Variants in DMXL1 observed in about 807,000 individuals in gnomAD.
DMXL1 encodes the protein Dmx like 1.
In DMXL1, 99 loss-of-function variants were observed where a neutral mutation model predicts 319.2. The ratio of observed to expected loss-of-function variants is 0.31; its 90% CI spans 0.26 to 0.37. The LOEUF is 0.37. Among genes scored for constraint, DMXL1 ranks in the 10% least tolerant of loss-of-function variants. The pLI, the probability that DMXL1 is intolerant of heterozygous loss-of-function variation, is 1.00. For synonymous variants in DMXL1, 1,385 were observed against 1,235.2 expected, an observed-to-expected ratio of 1.12 and a Z score of -2.54; for missense variants, 3,745 against 3,595.6, an observed-to-expected ratio of 1.04 and a Z score of -1.06.
At position 119,110,200 on chromosome 5, in the gene DMXL1, T is replaced by C; in HGVS notation, c.414T>C (p.Thr138=). ...GCTATTTGCAACTCTGGTCCAATACTAACTTGGAGAAGCCAACTGAAGATG... is the reference window on the plus strand; with the variant it reads ...GCTATTTGCAACTCTGGTCCAATACCAACTTGGAGAAGCCAACTGAAGATG... ...GSSYLQLWSN[T]NLEKPTEDEN... is the part of the protein sequence containing the mutation. Residue 138 remains threonine (T), a synonymous_variant, in exon 5 of 44, where the codon ACT becomes ACC. Transcript: ENST00000539542. The C allele has an allele frequency of 6.3e-7, 1 of 1,590,088 alleles. No individual in the cohort carries two copies. The highest frequency in any genetic ancestry group is 1.9e-5 in the Admixed American group (1 of 52,710).
At chr5:119,186,473 G>A (rs1363621874) in intron 28 of DMXL1, among the ~76,000 whole-genome samples, 1 of 152,042 alleles carries the variant, frequency 6.6e-6, no homozygotes, top group Non-Finnish European at 1.5e-5. Flanking sequence ...TGCCCAGGCT[G>A]GTCTTGAACT....
chr5:119,178,598 C>T, intron 28 of DMXL1: 1 of 985,240 alleles, frequency 1.0e-6, no homozygotes, highest in East Asian at 1.1e-4. Flanking sequence ...TATGCCTAGC[C>T]CCCACCAGGT....
chr5:119,202,738 C>G (rs998731625), intron 32 of DMXL1, among the ~76,000 whole-genome samples: 2 of 151,254 alleles, frequency 1.3e-5, no homozygotes, highest in Admixed American at 1.3e-4. Context: ...GTAATCCCAG[C>G]TACTCGGGAG....
At chr5:119,238,902 T>C in intron 40 of DMXL1, 87 bp from the exon 41 acceptor site, 1 of 1,545,046 alleles carries the variant, frequency 6.5e-7, no homozygotes, top group Non-Finnish European at 8.7e-7. Flanking sequence ...AGCCAGAAAC[T>C]ACATGATCAC....
intron 28 of DMXL1, among the ~76,000 whole-genome samples, chr5:119,180,228 C>T (rs112907747): frequency 2.3e-4 from 35 of 152,274 alleles, no homozygotes; most frequent in African/African-American, 8.2e-4. Flanking sequence ...GGTCTCTTAA[C>T]GTATTTGACC....
At chr5:119,098,347 T>C (rs1307371222) in intron 2 of DMXL1, among the ~76,000 whole-genome samples, 1 of 152,148 alleles carries the variant, frequency 6.6e-6, no homozygotes, top group African/African-American at 2.4e-5. Flanking sequence ...TGATATAGAA[T>C]GAGTCTAAAG....
chr5:119,198,094 T>C, intron 32 of DMXL1, 138 bp downstream of exon 32: 4 of 755,718 alleles, frequency 5.3e-6, no homozygotes, highest in Non-Finnish European at 8.6e-6. Flanking sequence ...GTTCAAGTGA[T>C]TCTCCTGCCT....
At chr5:119,166,255 G>C (rs1467656581) in intron 21 of DMXL1, among the ~76,000 whole-genome samples, 1 of 152,158 alleles carries the variant, frequency 6.6e-6, no homozygotes, top group African/African-American at 2.4e-5. Flanking sequence ...ACATTCTTTA[G>C]ATTTTTATCT....
At chr5:119,225,199 C>G (rs1051663728) in intron 38 of DMXL1, among the ~76,000 whole-genome samples, 2 of 152,002 alleles carry the variant, frequency 1.3e-5, no homozygotes, top group Non-Finnish European at 2.9e-5. Flanking sequence ...ATTACCTCAT[C>G]GTACTCAGTT....
chr5:119,111,172 A>C (rs895816145), intron 5 of DMXL1, among the ~76,000 whole-genome samples: 2 of 151,706 alleles, frequency 1.3e-5, no homozygotes, highest in African/African-American at 4.8e-5. Flanking sequence ...CTGATACCAA[A>C]ACAAATGTGA....
intron 34 of DMXL1, 145 bp downstream of exon 34, chr5:119,207,041 C>A: frequency 1.8e-6 from 1 of 547,230 alleles, no homozygotes; most frequent in South Asian, 2.5e-5. Context: ...ATTTTAACAA[C>A]TTAAATACTG....
At chr5:119,097,502 G>A (rs1756246208) in intron 1 of DMXL1, among the ~76,000 whole-genome samples, 3 of 152,236 alleles carry the variant, frequency 2.0e-5, no homozygotes, top group African/African-American at 4.8e-5. Flanking sequence ...TGGATCACGA[G>A]GTCAGGAGAT....
chr5:119,165,131 A>T, intron 20 of DMXL1, 52 bp from the exon 21 acceptor site: 2 of 1,103,778 alleles, frequency 1.8e-6, no homozygotes, highest in Non-Finnish European at 2.7e-6. Context: ...GAAAGAAATT[A>T]CTTGTTCAAA....
At chr5:119,120,276 G>A (rs915786746) in intron 8 of DMXL1, among the ~76,000 whole-genome samples, 12 of 152,170 alleles carry the variant, frequency 7.9e-5, no homozygotes, top group African/African-American at 2.7e-4. Context: ...TTTCTAATTT[G>A]AATAGTATTC....
At chr5:119,087,951 T>G (rs1753749692) in intron 1 of DMXL1, among the ~76,000 whole-genome samples, 1 of 151,778 alleles carries the variant, frequency 6.6e-6, no homozygotes, top group Non-Finnish European at 1.5e-5. Context: ...ACAGGCACCC[T>G]CCACCATGCC....
At chr5:119,227,534 A>C (rs879301817) in intron 38 of DMXL1, among the ~76,000 whole-genome samples, 4 of 152,230 alleles carry the variant, frequency 2.6e-5, no homozygotes, top group Non-Finnish European at 4.4e-5. Flanking sequence ...TTTGTCTGCC[A>C]GGAAGTGATA....
chr5:119,086,907 A>G (rs1035481410), intron 1 of DMXL1, among the ~76,000 whole-genome samples: 11 of 151,940 alleles, frequency 7.2e-5, no homozygotes, highest in South Asian at 2.1e-4. Context: ...GAGGTTTTCT[A>G]TTTCCTTATG....
chr5:119,194,950 A>T (rs1020417876), intron 30 of DMXL1, among the ~76,000 whole-genome samples: 2 of 152,146 alleles, frequency 1.3e-5, no homozygotes, highest in Non-Finnish European at 2.9e-5. Context: ...TCCAAAGACG[A>T]TATGAAAATA....
chr5:119,135,130 T>A (rs1374790656), intron 13 of DMXL1, among the ~76,000 whole-genome samples: 3 of 152,112 alleles, frequency 2.0e-5, no homozygotes. Flanking sequence ...GAACACAAGG[T>A]TTTCCAAAGC....
Sources: gnomAD v4.1 joint callset for allele counts (sites outside exome capture counted in the v4.1 genomes callset) on GRCh38, gnomAD v4.1.1 for gene constraint, MANE v1.5 for transcripts, NCBI Gene and HGNC (gene_info 2026-07-23, HGNC 2026-07-21) for gene names.